Variants in FNDC8 observed in about 807,000 individuals in gnomAD.
FNDC8 encodes fibronectin type III domain-containing protein 8.
Under a neutral mutation model 24.8 loss-of-function variants are expected in FNDC8, and 23 were observed. The observed-to-expected ratio is 0.93, with a 90% CI of 0.67 to 1.31. The LOEUF is 1.31. Among genes scored for constraint, FNDC8 ranks in the 40% most tolerant of loss-of-function variants. FNDC8 has a pLI of 0.00. For synonymous variants in FNDC8, 158 were observed against 165.3 expected (o/e 0.96, Z 0.34); for missense variants, 371 against 398.2 (o/e 0.93, Z 0.58).
Position 35,127,023 on chromosome 17 carries a change from G to C in FNDC8, c.210-19G>C, listed in dbSNP as rs763571315. 1 of 1,560,450 alleles carries C rather than the reference G, an allele frequency of 6.4e-7. No homozygotes were observed. Among genetic ancestry groups the C allele is most frequent in the East Asian group, 2.3e-5 (1 of 44,176 alleles). ...GTGGCCTCCTTCATCTGATTCACCT[G>C]TCTCCCCTTTTGCTCCAGGAAGCCG... is the stretch of plus-strand genomic sequence containing the variant. On this transcript the variant is annotated intron_variant, in intron 1 of 3. Transcript: ENST00000158009.
chr17:35,126,814 G>T (rs71381416), intron 1 of FNDC8, among the ~76,000 whole-genome samples: 2,072 of 152,260 alleles, frequency 0.014, 44 homozygotes, highest in African/African-American at 0.047. Flanking sequence ...TCTTATTAAA[G>T]ATGCGGATTC....
intron 1 of FNDC8, among the ~76,000 whole-genome samples, chr17:35,123,096 G>A (rs926540575): frequency 3.3e-5 from 5 of 152,154 alleles, no homozygotes; most frequent in African/African-American, 1.2e-4. Flanking sequence ...TTACTTGCAG[G>A]TCACCCACCA....
rs374433104 is a variant in FNDC8 at position 35,130,348 on chromosome 17, C to T, written c.889C>T (p.Arg297Cys). ...ENYPIQITVR[R>C]KEPRQKIVSI... is the part of the protein sequence containing the mutation. The stretch of plus-strand genomic sequence containing the variant: ...CTACCCCATCCAGATCACCGTGCGG[C>T]GCAAGGAACCCCGGCAAAAGATCGT... Residue 297 changes from arginine to cysteine, a missense_variant, in exon 4 of 4, where the codon CGC becomes TGC. Transcript: ENST00000158009. The T allele has an allele frequency of 1.3e-5, 21 of 1,613,984 alleles. No individual in the cohort carries two copies. Among genetic ancestry groups the T allele is most frequent in the Admixed American group, 3.3e-5 (2 of 59,980 alleles).
At chr17:35,122,913 G>A (rs1050468583) in intron 1 of FNDC8, among the ~76,000 whole-genome samples, 1 of 152,200 alleles carries the variant, frequency 6.6e-6, no homozygotes, top group African/African-American at 2.4e-5. Context: ...GCATGGTCTG[G>A]TAAGTGCCAG....
intron 3 of FNDC8, 102 bp from the exon 4 acceptor site, chr17:35,130,180 G>A (rs775059294): frequency 4.0e-6 from 6 of 1,507,422 alleles, no homozygotes; most frequent in Non-Finnish European, 5.3e-6. Flanking sequence ...GCTGTTTAAG[G>A]TCTGAGTCAG....
chr17:35,124,660 G>A (rs999682004), intron 1 of FNDC8, among the ~76,000 whole-genome samples: 1 of 152,236 alleles, frequency 6.6e-6, no homozygotes, highest in African/African-American at 2.4e-5. Flanking sequence ...GTACTAAGTT[G>A]CCATGGAAAG....
intron 2 of FNDC8, 108 bp downstream of exon 2, chr17:35,127,525 T>C (rs2091854433): frequency 3.8e-5 from 50 of 1,327,402 alleles, no homozygotes; most frequent in Middle Eastern, 4.4e-4. Context: ...CGACCTCAAG[T>C]TCACGGTTTA....
Position 35,129,645 on chromosome 17 carries a change from G to A in FNDC8, c.809G>A (p.Cys270Tyr), listed in dbSNP as rs759907353. Residue 270 changes from cysteine (C) to tyrosine (Y), a missense_variant, in exon 3 of 4, where the codon TGC (cysteine) becomes TAC (tyrosine). Physicochemically the swap from Cys to Tyr is radical, Grantham distance 194. Coordinates refer to ENST00000158009, the MANE Select transcript of FNDC8 (RefSeq NM_017559.4). ...AANTAGVGKWCKPYKFATLAT... is the reference protein window; with the variant it reads ...AANTAGVGKWYKPYKFATLAT... ...AACACAGCTGGGGTGGGGAAGTGGT[G>A]CAAGCCCTACAAAGTGAGCCCTGGG... 5.5e-5 allele frequency: 88 copies of A among 1,613,692 alleles called. No individual in the cohort carries two copies. Among genetic ancestry groups the A allele is most frequent in the Non-Finnish European group, 6.9e-5 (81 of 1,179,938 alleles).
chr17:35,129,332 C>A, intron 2 of FNDC8, 90 bp from the exon 3 acceptor site: 3 of 1,515,664 alleles, frequency 2.0e-6, no homozygotes, highest in Non-Finnish European at 1.8e-6. Context: ...AGGGGATGGG[C>A]ATGGGACGTC....
At chr17:35,127,876 C>T (rs1733106134) in intron 2 of FNDC8, among the ~76,000 whole-genome samples, 1 of 148,116 alleles carries the variant, frequency 6.8e-6, no homozygotes, top group Non-Finnish European at 1.5e-5. Flanking sequence ...TCGAGTGAGG[C>T]TACTCAGAAT....
chr17:35,127,307 C>T lies in FNDC8; in HGVS notation c.475C>T (p.Pro159Ser), dbSNP rs1363305265. ...AAGGGGCCTGCTGGACCTTGACAACCCTGAGCTGGAGACAGAAACCTCCTC... is the reference window on the plus strand; with the variant it reads ...AAGGGGCCTGCTGGACCTTGACAACTCTGAGCTGGAGACAGAAACCTCCTC... ...ATRGLLDLDN[P>S]ELETETSSTH... Residue 159 changes from proline to serine, a missense_variant, in exon 2 of 4, where the codon CCT (proline) becomes TCT (serine). Transcript: ENST00000158009. 2 of 1,613,892 alleles carry T rather than the reference C, an allele frequency of 1.2e-6. No individual in the cohort carries two copies. The highest frequency in any genetic ancestry group is 2.2e-5 in the East Asian group (1 of 44,900).
At chr17:35,129,230 G>A in intron 2 of FNDC8, 192 bp from the exon 3 acceptor site, 1 of 699,024 alleles carries the variant, frequency 1.4e-6, no homozygotes, top group South Asian at 1.8e-5. Context: ...GGCTGCCCAG[G>A]AGAGTAGTAC....
chr17:35,126,392 G>A (rs879486999), intron 1 of FNDC8, among the ~76,000 whole-genome samples: 3 of 151,848 alleles, frequency 2.0e-5, no homozygotes, highest in Middle Eastern at 3.4e-3. Context: ...GATCTTTGTG[G>A]TTATTCCCTG....
chr17:35,121,927 C>T, intron 1 of FNDC8, 25 bp downstream of exon 1: 1 of 1,302,104 alleles, frequency 7.7e-7, no homozygotes, highest in Non-Finnish European at 1.1e-6. Context: ...TGGTCCCTCC[C>T]TCCCTCCCTC....
chr17:35,129,906 A>G, intron 3 of FNDC8: 2 of 1,395,436 alleles, frequency 1.4e-6, no homozygotes, highest in South Asian at 3.2e-5. Flanking sequence ...TCCCCTTCCA[A>G]AGCCATTGGT....
chr17:35,127,065 C>A lies in FNDC8; in HGVS notation c.233C>A (p.Ser78Ter), dbSNP rs2091851856. ...NLLKPLPVED[S>*]DCSSDETSIS... ...AGGAAGCCGCTGCCAGTAGAGGATT[C>A]AGACTGCAGCTCTGATGAGACCAGC... Residue 78 changes from serine to a stop codon, truncating the protein, a stop_gained, in exon 2 of 4, where the codon TCA becomes TAA. Transcript: ENST00000158009. LOFTEE classifies it high-confidence loss of function. 1 of 1,595,980 alleles carries A rather than the reference C, an allele frequency of 6.3e-7. No homozygotes were observed.
In FNDC8 at chr17:35,121,807, C is replaced by G; in HGVS notation, c.114C>G (p.Pro38=). The G allele has an allele frequency of 1.2e-6, 2 of 1,613,808 alleles. No homozygotes were observed. The highest frequency in any genetic ancestry group is 1.7e-6 in the Non-Finnish European group (2 of 1,179,946). ...AACTGCCAAAACCCTTTTCAAACCC[C>G]AAGTCTATGAACCGGACCGTCACTA... ...LDQLPKPFSN[P]KSMNRTVTTK... The change falls in exon 1 of 4, where the codon CCC becomes CCG. Residue 38 remains proline (P), a synonymous_variant. Coordinates refer to ENST00000158009, the MANE Select transcript of FNDC8 (RefSeq NM_017559.4).
chr17:35,126,612 C>G (rs1351631566), intron 1 of FNDC8, among the ~76,000 whole-genome samples: 2 of 150,906 alleles, frequency 1.3e-5, no homozygotes, highest in African/African-American at 4.9e-5. Context: ...AAGCAATTCT[C>G]CTGCCTCAGC....
chr17:35,126,426 G>T (rs1414688369), intron 1 of FNDC8, among the ~76,000 whole-genome samples: 1 of 152,084 alleles, frequency 6.6e-6, no homozygotes, highest in East Asian at 1.9e-4. Flanking sequence ...CCACTTTGGA[G>T]GGAGGACTTG....
Sources: gnomAD v4.1 joint callset for allele counts (sites outside exome capture counted in the v4.1 genomes callset) on GRCh38, gnomAD v4.1.1 for gene constraint, MANE v1.5 for transcripts, NCBI Gene and HGNC (gene_info 2026-07-23, HGNC 2026-07-21) for gene names.